Variants in SEC13 observed in about 807,000 individuals in gnomAD.
The protein encoded by SEC13 is protein SEC13 homolog.
SEC13 carries 25 observed loss-of-function variants against 49.2 expected under a neutral mutation model. The ratio of observed to expected loss-of-function variants is 0.51; its 90% CI spans 0.37 to 0.71. SEC13 has a LOEUF of 0.71. Ranked by LOEUF, SEC13 falls within the 30% of genes least tolerant of loss-of-function variation. The probability of loss-of-function intolerance (pLI) is 0.00; values close to 1 mark genes in which losing one functional copy is unlikely to be tolerated. For missense variants in SEC13, 383 were observed against 417.6 expected (o/e 0.92, Z 0.72); for synonymous variants, 148 against 163.9 (o/e 0.90, Z 0.74).
rs146557280 is a variant in SEC13 at position 10,319,047 on chromosome 3, T to G, written c.4-953A>C. On this transcript the variant is annotated intron_variant, in intron 1 of 8. Transcript: ENST00000350697. ...TAAGTAAATGAACAAAAGCTGTTAT[T>G]TTTTTTCTTTGCTCAACCACTCTTC... is the stretch of plus-strand genomic sequence containing the variant. The G allele has an allele frequency of 4.8e-5, 57 of 1,182,086 alleles. No homozygotes were observed. The East Asian group carries it at 1.4e-3, about 29-fold the overall frequency. 73.2% of individuals were successfully genotyped at this position (1,182,086 alleles called of 1,614,324 possible). A position where few individuals can be genotyped will look rare whatever the true frequency, so the allele number is the denominator to read the frequency against.
At chr3:10,314,228 C>T (rs372507657) in intron 3 of SEC13, among the ~76,000 whole-genome samples, 61 of 152,360 alleles carry the variant, frequency 4.0e-4, no homozygotes, top group African/African-American at 1.3e-3. Flanking sequence ...CATCCTCCCA[C>T]CTCAGCCTCC....
chr3:10,319,853 AGGAG>A lies in SEC13; in HGVS notation c.3+1193_3+1196del, dbSNP rs761899025. 1.5e-3 allele frequency among the ~76,000 whole-genome samples: 11 copies of A among 7,392 alleles called. No homozygotes were observed. The South Asian group carries it at 0.042, about 28-fold the overall frequency. The allele number at this position is 7,392 out of a possible 152,430, so 4.8% of individuals were successfully genotyped here. On this transcript the variant is annotated intron_variant, in intron 1 of 8. Coordinates refer to ENST00000350697, the MANE Select transcript of SEC13 (RefSeq NM_183352.3). ...AGGGGGAGAGAAAAGGACGGAAGGAAGGAGGAAGGGCGGGAGAGAAAGGGAGAGG... is the reference window on the plus strand; with the variant it reads ...AGGGGGAGAGAAAAGGACGGAAGGAAGAAGGGCGGGAGAGAAAGGGAGAGG...
intron 7 of SEC13, 131 bp downstream of exon 7, chr3:10,304,902 C>T (rs1700770750): frequency 7.3e-7 from 1 of 1,368,050 alleles, no homozygotes; most frequent in Non-Finnish European, 1.0e-6. Flanking sequence ...ACCTGACTCC[C>T]TGTGCTCTGG....
At chr3:10,309,160 ACTC>A (rs1264264122) in intron 5 of SEC13, among the ~76,000 whole-genome samples, 1 of 150,432 alleles carries the variant, frequency 6.6e-6, no homozygotes, top group African/African-American at 2.5e-5. Context: ...CTGGTCTTAA[ACTC>A]CTGACTTCAG....
rs368316184 is a variant in SEC13, at chr3:10,315,433, C to T, written c.52G>A (p.Asp18Asn). ...VDTSHEDMIH[D>N]AQMDYYGTRL... ...GTGCCATAGTAGTCCATCTGGGCGT[C>T]GTGCTGCAAAGGGAGGACAGCTCGG... The change falls in exon 3 of 9, where the codon GAC becomes AAC. Residue 18 changes from aspartate (D) to asparagine (N), a missense_variant. Physicochemically the swap from Asp to Asn is conservative, Grantham distance 23 (BLOSUM62 1). Transcript: ENST00000350697. 13 of 1,373,536 alleles carry T rather than the reference C, an allele frequency of 9.5e-6. No homozygotes were observed. The highest frequency in any genetic ancestry group is 1.3e-5 in the Non-Finnish European group (13 of 1,036,558). 85.1% of individuals were successfully genotyped at this position (1,373,536 alleles called of 1,614,324 possible). A position where few individuals can be genotyped will look rare whatever the true frequency, so the allele number is the denominator to read the frequency against.
At chr3:10,303,806 C>T (rs1216760954) in intron 8 of SEC13, 1 of 580,516 alleles carries the variant, frequency 1.7e-6, no homozygotes, top group Non-Finnish European at 3.1e-6. Flanking sequence ...GTCAAATCGC[C>T]TCTGTCAGCT....
chr3:10,319,400 G>C, intron 1 of SEC13: 8 of 1,015,832 alleles, frequency 7.9e-6, no homozygotes, highest in Non-Finnish European at 1.1e-5. Context: ...AGGCGGGGAG[G>C]GCAGGGTACC....
rs1057089146 is a variant in SEC13 at position 10,311,952 on chromosome 3, G to A, written c.450+13C>T. 2 of 1,614,094 alleles carry A rather than the reference G, an allele frequency of 1.2e-6. No homozygotes were observed. The highest frequency in any genetic ancestry group is 2.7e-5 in the African/African-American group (2 of 74,946). ...GGCGCTCTCACTGCACGAAAGGCAGGGGATGGACTCACGGTGTGAGCGTTG... is the reference window on the plus strand; with the variant it reads ...GGCGCTCTCACTGCACGAAAGGCAGAGGATGGACTCACGGTGTGAGCGTTG... On this transcript the variant is annotated intron_variant, in intron 5 of 8. Transcript: ENST00000350697.
chr3:10,312,391 T>C (rs914904197), intron 4 of SEC13, among the ~76,000 whole-genome samples, 188 bp downstream of exon 4: 1 of 152,228 alleles, frequency 6.6e-6, no homozygotes, highest in Non-Finnish European at 1.5e-5. Flanking sequence ...TCTTTTCTTA[T>C]TTGCTTTGGA....
chr3:10,316,874 G>A (rs575654932), intron 2 of SEC13, among the ~76,000 whole-genome samples: 7 of 152,000 alleles, frequency 4.6e-5, no homozygotes, highest in South Asian at 2.1e-4. Flanking sequence ...GGTGGCGCAC[G>A]CCTGTAATCC....
chr3:10,308,875 T>A (rs1464352592), intron 5 of SEC13, among the ~76,000 whole-genome samples: 1 of 149,044 alleles, frequency 6.7e-6, no homozygotes, highest in Non-Finnish European at 1.5e-5. Flanking sequence ...CAAACAGGAG[T>A]TCACCTCGAT....
intron 5 of SEC13, among the ~76,000 whole-genome samples, chr3:10,307,035 CTTT>C (rs1254317911): frequency 2.0e-5 from 3 of 150,826 alleles, no homozygotes; most frequent in African/African-American, 7.3e-5. Flanking sequence ...TGATTCTCCT[CTTT>C]ATTTATTATT....
At chr3:10,311,047 T>C (rs1208167395) in intron 5 of SEC13, among the ~76,000 whole-genome samples, 1 of 151,392 alleles carries the variant, frequency 6.6e-6, no homozygotes, top group Non-Finnish European at 1.5e-5. Context: ...AAAAAACAAC[T>C]CCCAGCGGGG....
intron 2 of SEC13, 115 bp downstream of exon 2, chr3:10,317,935 C>T (rs1685424905): frequency 1.5e-6 from 1 of 681,350 alleles, no homozygotes; most frequent in Non-Finnish European, 2.6e-6. Flanking sequence ...ACTGCAAAGC[C>T]ACCCTGGATC....
intron 2 of SEC13, among the ~76,000 whole-genome samples, chr3:10,317,571 C>T (rs1011379428): frequency 2.0e-5 from 3 of 152,064 alleles, no homozygotes; most frequent in Admixed American, 2.0e-4. Flanking sequence ...CTTGTCTGGC[C>T]TATTGTCTTG....
chr3:10,308,386 AAGTCATTTCTTTTTATTGC>A (rs1257893453), intron 5 of SEC13, among the ~76,000 whole-genome samples: 133 of 152,120 alleles, frequency 8.7e-4, no homozygotes, highest in African/African-American at 3.0e-3. Flanking sequence ...TTATTTTGTT[AAGTCATTTCTTTTTATTGC>A]AGTCATTTCT....
At chr3:10,313,881 C>T (rs1038085678) in intron 3 of SEC13, 2 of 154,238 alleles carry the variant, frequency 1.3e-5, no homozygotes, top group African/African-American at 4.8e-5. Context: ...GCTCCTCAGT[C>T]ACTTGATCAT....
intron 6 of SEC13, 102 bp from the exon 7 acceptor site, chr3:10,305,258 C>T (rs1700799936): frequency 6.9e-7 from 1 of 1,447,800 alleles, no homozygotes; most frequent in Non-Finnish European, 9.2e-7. Context: ...GCGATTCCAT[C>T]TTTCTTCTTT....
chr3:10,304,367 CCTTTTCTCATCCGGGTTT>C (rs1467347869), intron 7 of SEC13, among the ~76,000 whole-genome samples, 195 bp from the exon 8 acceptor site: 1 of 152,110 alleles, frequency 6.6e-6, no homozygotes, highest in Non-Finnish European at 1.5e-5. Flanking sequence ...CTCCCGGATT[CCTTTTCTCATCCGGGTTT>C]CGGAGGTGGA....
Sources: allele counts gnomAD v4.1 joint callset (sites outside exome capture counted in the v4.1 genomes callset), GRCh38; gene constraint gnomAD v4.1.1; transcripts MANE v1.5; gene names NCBI Gene and HGNC (gene_info 2026-07-23, HGNC 2026-07-21).